CLVS1: variants seen among roughly 807,000 people sequenced by gnomAD.
CLVS1 encodes the protein clavesin-1.
Under a neutral mutation model 33.1 loss-of-function variants are expected in CLVS1, and 10 were observed. The observed-to-expected ratio is 0.30, with a 90% CI of 0.19 to 0.51. CLVS1 has a LOEUF of 0.51. Among genes scored for constraint, CLVS1 ranks in the 20% least tolerant of loss-of-function variants. The pLI is 0.97. For synonymous variants in CLVS1, 163 were observed against 166.1 expected (o/e 0.98, Z 0.14); for missense variants, 343 against 433.4 (o/e 0.79, Z 1.85).
At chr8:61,280,392 C>G (rs564907786) in intron 2 of CLVS1, among the ~76,000 whole-genome samples, 2 of 152,296 alleles carry the variant, frequency 1.3e-5, no homozygotes, top group Admixed American at 1.3e-4. Context: ...AATATGACAA[C>G]TTTTAGTGCT....
chr8:61,002,334 T>G, the CLVS1 span, among the ~76,000 whole-genome samples: 15 of 148,864 alleles, frequency 1.0e-4, no homozygotes, highest in African/African-American at 3.5e-4. Flanking sequence ...CTTGTTTTTT[T>G]TTTTTTTTTT....
intron 2 of CLVS1, among the ~76,000 whole-genome samples, chr8:61,213,134 C>T (rs1808007444): frequency 6.6e-6 from 1 of 151,620 alleles, no homozygotes; most frequent in Admixed American, 6.6e-5. Flanking sequence ...AGGCTCTTAC[C>T]TGCTCTGAGC....
chr8:61,282,526 C>T (rs186295146), intron 2 of CLVS1, among the ~76,000 whole-genome samples: 11 of 152,244 alleles, frequency 7.2e-5, no homozygotes, highest in Admixed American at 3.3e-4. Flanking sequence ...AACAAGCGGA[C>T]ATGGATTACA....
chr8:61,080,627 GTTAAA>G (rs1015863280), intron 1 of CLVS1, among the ~76,000 whole-genome samples: 2 of 152,190 alleles, frequency 1.3e-5, no homozygotes, highest in Non-Finnish European at 2.9e-5. Context: ...CTTGCTTTTG[GTTAAA>G]TTAAAGATAT....
chr8:61,233,249 A>G (rs1169895929), intron 2 of CLVS1, among the ~76,000 whole-genome samples: 1 of 152,190 alleles, frequency 6.6e-6, no homozygotes, highest in Non-Finnish European at 1.5e-5. Context: ...TTGTGTTCCA[A>G]TAGGTAAATG....
At chr8:61,100,578 T>A (rs1233461241) in intron 1 of CLVS1, among the ~76,000 whole-genome samples, 1 of 152,224 alleles carries the variant, frequency 6.6e-6, no homozygotes, top group African/African-American at 2.4e-5. Flanking sequence ...ATAATTCACA[T>A]AATCAATTCA....
chr8:61,017,422 C>T, the CLVS1 span, among the ~76,000 whole-genome samples: 2 of 152,214 alleles, frequency 1.3e-5, no homozygotes, highest in Admixed American at 6.5e-5. Context: ...AAGCCGGGTG[C>T]GTTCTGCTAT....
chr8:61,275,980 T>C (rs921472555), intron 2 of CLVS1, among the ~76,000 whole-genome samples: 11 of 152,244 alleles, frequency 7.2e-5, no homozygotes, highest in Non-Finnish European at 1.3e-4. Context: ...TTGCCATTAA[T>C]GTGGTTAATT....
intron 3 of CLVS1, among the ~76,000 whole-genome samples, chr8:61,392,352 A>C (rs532415714): frequency 6.6e-6 from 1 of 151,924 alleles, no homozygotes; most frequent in South Asian, 2.1e-4. Context: ...AAAATTTCTA[A>C]ATTGGCCTAC....
At chr8:61,145,945 C>A (rs1407812394) in intron 2 of CLVS1, among the ~76,000 whole-genome samples, 1 of 152,220 alleles carries the variant, frequency 6.6e-6, no homozygotes, top group East Asian at 1.9e-4. Flanking sequence ...GAGGAAATTT[C>A]TTCTGTGGGT....
chr8:61,164,041 A>G (rs958888916), intron 2 of CLVS1, among the ~76,000 whole-genome samples: 2 of 152,196 alleles, frequency 1.3e-5, no homozygotes, highest in Non-Finnish European at 2.9e-5. Context: ...TTTATATCCC[A>G]ATCATTGTCC....
intron 2 of CLVS1, among the ~76,000 whole-genome samples, chr8:61,252,610 G>T (rs566120071): frequency 3.3e-5 from 5 of 152,152 alleles, no homozygotes; most frequent in Non-Finnish European, 7.3e-5. Flanking sequence ...CCTGTATTGG[G>T]TGCATATATA....
At chr8:61,241,775 G>T (rs1015854525) in intron 2 of CLVS1, among the ~76,000 whole-genome samples, 1 of 152,158 alleles carries the variant, frequency 6.6e-6, no homozygotes, top group Admixed American at 6.5e-5. Context: ...TTATTTCTAA[G>T]ATCTGAGTTT....
intron 5 of CLVS1, among the ~76,000 whole-genome samples, chr8:61,492,647 G>A (rs559094942): frequency 6.6e-6 from 1 of 152,092 alleles, no homozygotes; most frequent in Non-Finnish European, 1.5e-5. Context: ...TGAATATTTG[G>A]CTCACTCTAA....
intron 2 of CLVS1, among the ~76,000 whole-genome samples, chr8:61,212,645 G>A (rs1459543455): frequency 1.3e-5 from 2 of 152,180 alleles, no homozygotes; most frequent in Non-Finnish European, 2.9e-5. Flanking sequence ...ACAGTGATAG[G>A]AGCTAAGGTG....
the CLVS1 span, among the ~76,000 whole-genome samples, chr8:60,997,682 T>C: frequency 5.8e-4 from 89 of 152,278 alleles, no homozygotes; most frequent in East Asian, 0.017. Flanking sequence ...CCTGTGGTGA[T>C]GAACGAAGCC....
At chr8:61,419,330 A>G (rs886511150) in intron 3 of CLVS1, among the ~76,000 whole-genome samples, 46 of 150,590 alleles carry the variant, frequency 3.1e-4, no homozygotes, top group African/African-American at 1.1e-3. Flanking sequence ...CCAGGAGGCG[A>G]AAGTTGCAGT....
At chr8:61,475,045 G>A (rs576712870) in intron 5 of CLVS1, among the ~76,000 whole-genome samples, 1 of 151,996 alleles carries the variant, frequency 6.6e-6, no homozygotes, top group Non-Finnish European at 1.5e-5. Context: ...GAACATGCAG[G>A]GTTTGGTTTT....
In CLVS1 at chr8:61,209,160, T is replaced by C. The variant is rs545005212; in HGVS notation, c.-152+77300T>C. Among the ~76,000 whole-genome samples, 94 of 152,246 alleles carry C rather than the reference T, an allele frequency of 6.2e-4. 1 individual carries two copies. Among genetic ancestry groups the C allele is most frequent in the Non-Finnish European group, 1.0e-3 (68 of 68,016 alleles). ...ACAAACATTGACCATATTTTCAAAG[T>C]AGGAAAAACTAGAACTTTAAGGAAG... On this transcript the variant is annotated intron_variant, in intron 2 of 2. Coordinates refer to the CLVS1 transcript ENST00000522621.
Sources: gnomAD v4.1 joint callset for allele counts (sites outside exome capture counted in the v4.1 genomes callset) on GRCh38, gnomAD v4.1.1 for gene constraint, MANE v1.5 for transcripts, NCBI Gene and HGNC (gene_info 2026-07-23, HGNC 2026-07-21) for gene names.